The following SCAF8 variants were observed in gnomAD, a reference collection of about 807,000 sequenced individuals.
The protein encoded by SCAF8 is SR-related CTD associated factor 8.
Under a neutral mutation model 140.5 loss-of-function variants are expected in SCAF8, and 23 were observed. The ratio of observed to expected loss-of-function variants is 0.16; its 90% confidence interval spans 0.12 to 0.23. SCAF8 has a LOEUF of 0.23. Among genes scored for constraint, SCAF8 ranks in the 10% least tolerant of loss-of-function variants. The pLI is 1.00. For synonymous variants in SCAF8, 575 were observed against 528.9 expected (o/e 1.09, Z -1.20); for missense variants, 1,397 against 1,555.7 (o/e 0.90, Z 1.72).
intron 12 of SCAF8, among the ~76,000 whole-genome samples, chr6:154,813,217 A>C (rs1444993927): frequency 6.6e-6 from 1 of 152,084 alleles, no homozygotes; most frequent in Non-Finnish European, 1.5e-5. Context: ...AAAACAAAAC[A>C]AAACAAAAAA....
At position 154,790,550 on chromosome 6, in the gene SCAF8, G is replaced by A. The variant is rs1349020397; in HGVS notation, c.322-2273G>A. On this transcript the variant is annotated intron_variant, in intron 4 of 19. Coordinates refer to ENST00000367178, the MANE Select transcript of SCAF8 (RefSeq NM_014892.5). ...TTTTGAGACGGAGTCTCGCTCTGTT[G>A]CCCAGGCTGGAGTGCAGTGGTGTAA... Among the ~76,000 whole-genome samples the A allele has an allele frequency of 5.3e-5, 6 of 112,400 alleles. No homozygotes were observed. The South Asian group carries it at 1.8e-3, about 33-fold the overall frequency. The allele number at this position is 112,400 out of a possible 152,430, so 73.7% of individuals were successfully genotyped here. A position where few individuals can be genotyped will look rare whatever the true frequency, so the allele number is the denominator to read the frequency against.
intron 17 of SCAF8, among the ~76,000 whole-genome samples, chr6:154,825,773 CA>C (rs780538552): frequency 1.3e-4 from 19 of 151,926 alleles, no homozygotes; most frequent in Admixed American, 6.6e-5. Context: ...CTCAACCTCC[CA>C]AAGTGCTGGG....
At chr6:154,786,452 C>A (rs1395133250) in intron 3 of SCAF8, among the ~76,000 whole-genome samples, 1 of 152,238 alleles carries the variant, frequency 6.6e-6, no homozygotes, top group Non-Finnish European at 1.5e-5. Flanking sequence ...TGACCCTAAA[C>A]TGTAATTTCT....
intron 1 of SCAF8, among the ~76,000 whole-genome samples, chr6:154,750,873 ATTCTTT>A (rs562268347): frequency 1.6e-4 from 25 of 152,136 alleles, no homozygotes; most frequent in Non-Finnish European, 3.1e-4. Context: ...TAAATGAATT[ATTCTTT>A]TTCTTGTTCT....
intron 5 of SCAF8, among the ~76,000 whole-genome samples, chr6:154,794,591 A>G (rs1462533193): frequency 1.3e-5 from 2 of 152,136 alleles, no homozygotes; most frequent in Non-Finnish European, 2.9e-5. Context: ...AACCTTTATC[A>G]TAGGTATATG....
intron 1 of SCAF8, among the ~76,000 whole-genome samples, chr6:154,743,429 A>G (rs1778621801): frequency 6.6e-6 from 1 of 152,238 alleles, no homozygotes. Context: ...TTTAAAAAGC[A>G]ACTATTCTTA....
Position 154,743,286 on chromosome 6 carries a change from A to T in SCAF8, c.30+9356A>T, listed in dbSNP as rs916393305. Among the ~76,000 whole-genome samples, 9 of 152,340 alleles carry T rather than the reference A, an allele frequency of 5.9e-5. No homozygotes were observed. In the South Asian group the frequency reaches 1.9e-3, roughly 32 times the overall value. ...AAAATATGACTAGCTACATTGTTTT[A>T]TACAAAATTGTCTGTTATATATGTT... is the stretch of plus-strand genomic sequence containing the variant. On this transcript the variant is annotated intron_variant, in intron 1 of 19. Transcript: ENST00000367178.
intron 17 of SCAF8, among the ~76,000 whole-genome samples, chr6:154,826,540 T>C (rs986804850): frequency 6.6e-6 from 1 of 152,186 alleles, no homozygotes; most frequent in Non-Finnish European, 1.5e-5. Context: ...TAATGGTAGC[T>C]TTATATTTCA....
At chr6:154,797,195 A>G (rs918269620) in intron 6 of SCAF8, among the ~76,000 whole-genome samples, 1 of 144,108 alleles carries the variant, frequency 6.9e-6, no homozygotes, top group Non-Finnish European at 1.6e-5. Flanking sequence ...TGGCATGCAC[A>G]TCTGACTTTG....
chr6:154,733,866 T>A lies in SCAF8; in HGVS notation c.-35T>A. On this transcript the variant is annotated 5_prime_UTR_variant, in exon 1 of 20. Transcript: ENST00000367178. ...ACCCAGTGCAGTGGCCGCCGCCTCT[T>A]CCGCCGCCGGGCTCGGGGCCTCCGC... 1 of 1,542,182 alleles carries A rather than the reference T, an allele frequency of 6.5e-7. No homozygotes were observed. The highest frequency in any genetic ancestry group is 8.7e-7 in the Non-Finnish European group (1 of 1,150,532).
chr6:154,736,265 CTTTT>C (rs71021071), intron 1 of SCAF8, among the ~76,000 whole-genome samples: 5,586 of 78,366 alleles, frequency 0.071, 147 homozygotes, highest in Non-Finnish European at 0.099. Flanking sequence ...CCATCCAAGA[CTTTT>C]TTTTTTTTTT....
At chr6:154,741,988 C>G in intron 1 of SCAF8, 1 of 1,533,894 alleles carries the variant, frequency 6.5e-7, no homozygotes, top group Non-Finnish European at 8.7e-7. Flanking sequence ...GTACAGACTG[C>G]TTTTCCAGCA....
intron 12 of SCAF8, among the ~76,000 whole-genome samples, chr6:154,814,048 T>A (rs974225488): frequency 6.6e-6 from 1 of 152,246 alleles, no homozygotes; most frequent in Non-Finnish European, 1.5e-5. Context: ...AATAAAAAAC[T>A]GTTACAAGGC....
At chr6:154,822,144 C>T (rs1351721410) in intron 15 of SCAF8, 132 bp from the exon 16 acceptor site, 1 of 862,600 alleles carries the variant, frequency 1.2e-6, no homozygotes, top group African/African-American at 1.7e-5. Context: ...AGAGTGGCAC[C>T]TACGGTTGTG....
chr6:154,781,818 T>C (rs2114859189), intron 3 of SCAF8, among the ~76,000 whole-genome samples: 1 of 152,310 alleles, frequency 6.6e-6, no homozygotes, highest in East Asian at 1.9e-4. Context: ...TGAGTACATG[T>C]TTCCATTTTA....
chr6:154,770,550 G>A (rs967161358), intron 1 of SCAF8, among the ~76,000 whole-genome samples: 4 of 151,840 alleles, frequency 2.6e-5, no homozygotes, highest in African/African-American at 4.8e-5. Context: ...CTCCAGCCTG[G>A]GTGACAAAGC....
At chr6:154,810,447 T>A (rs1778057985) in intron 12 of SCAF8, among the ~76,000 whole-genome samples, 2 of 152,144 alleles carry the variant, frequency 1.3e-5, no homozygotes, top group Admixed American at 6.5e-5. Context: ...AAATGCAAGT[T>A]AGAAAATACA....
intron 3 of SCAF8, among the ~76,000 whole-genome samples, chr6:154,778,332 A>G (rs1206522133): frequency 1.3e-5 from 2 of 152,190 alleles, no homozygotes; most frequent in Non-Finnish European, 2.9e-5. Context: ...TTTATGTTCC[A>G]CTTGGGAGAA....
intron 1 of SCAF8, among the ~76,000 whole-genome samples, chr6:154,751,559 T>A (rs1778838822): frequency 6.6e-6 from 1 of 152,122 alleles, no homozygotes; most frequent in Non-Finnish European, 1.5e-5. Flanking sequence ...GAAAGACATA[T>A]CTGAAAGACT....
Sources: gnomAD v4.1 joint callset for allele counts (sites outside exome capture counted in the v4.1 genomes callset) on GRCh38, gnomAD v4.1.1 for gene constraint, MANE v1.5 for transcripts, NCBI Gene and HGNC (gene_info 2026-07-23, HGNC 2026-07-21) for gene names.